The following RPRD1A variants were observed in gnomAD, a reference collection of about 807,000 sequenced individuals.
The protein encoded by RPRD1A is regulation of nuclear pre-mRNA domain-containing protein 1A.
RPRD1A carries 9 observed loss-of-function variants against 37.8 expected under a neutral mutation model. The ratio of observed to expected loss-of-function variants is 0.24; its 90% CI spans 0.14 to 0.42. The LOEUF (loss-of-function observed/expected upper bound fraction) is 0.42. RPRD1A is among the 10% of genes least tolerant of loss of function. The probability of loss-of-function intolerance (pLI) is 1.00; values close to 1 mark genes in which losing one functional copy is unlikely to be tolerated. For synonymous variants in RPRD1A, 138 were observed against 139.7 expected, an observed-to-expected ratio of 0.99 and a Z score of 0.08; for missense variants, 255 against 371.0, an observed-to-expected ratio of 0.69 and a Z score of 2.57.
chr18:36,042,350 A>G (rs1309840584), intron 1 of RPRD1A, among the ~76,000 whole-genome samples: 1 of 152,192 alleles, frequency 6.6e-6, no homozygotes, highest in African/African-American at 2.4e-5. Context: ...ATGACTGTCA[A>G]ATCTACCAGA....
At chr18:36,041,995 G>A (rs1350785407) in intron 1 of RPRD1A, among the ~76,000 whole-genome samples, 2 of 152,172 alleles carry the variant, frequency 1.3e-5, no homozygotes, top group African/African-American at 4.8e-5. Flanking sequence ...CAGTAGGGAT[G>A]GATCCTGTCA....
chr18:35,994,743 A>T (rs1908921472), intron 6 of RPRD1A, among the ~76,000 whole-genome samples: 1 of 152,190 alleles, frequency 6.6e-6, no homozygotes, highest in Non-Finnish European at 1.5e-5. Flanking sequence ...AAACCAAGAG[A>T]AGAGTATGAG....
intron 2 of RPRD1A, among the ~76,000 whole-genome samples, chr18:36,032,065 G>A (rs868746603): frequency 6.6e-6 from 1 of 152,228 alleles, no homozygotes; most frequent in African/African-American, 2.4e-5. Context: ...CCTTCCTTTA[G>A]TCTTTGTTCA....
chr18:36,024,161 G>C (rs115928728), intron 6 of RPRD1A, among the ~76,000 whole-genome samples: 2 of 151,712 alleles, frequency 1.3e-5, no homozygotes, highest in Admixed American at 6.6e-5. Flanking sequence ...GCACGCGCAC[G>C]CGCGTGATGG....
intron 6 of RPRD1A, among the ~76,000 whole-genome samples, chr18:35,998,644 A>G (rs183623812): frequency 6.6e-6 from 1 of 152,144 alleles, no homozygotes; most frequent in Non-Finnish European, 1.5e-5. Flanking sequence ...CCAAGGCTCA[A>G]TTCCACTGAT....
In RPRD1A at chr18:36,002,108, G is replaced by A. The variant is rs1909458131; in HGVS notation, c.790-8808C>T. On this transcript the variant is annotated intron_variant, in intron 6 of 6. Transcript: ENST00000399022. ...GAGATTGTAGGCATTTTGGTATCCT[G>A]CTTGGTGTTCTCTTGAGTTTCCTGG... Among the ~76,000 whole-genome samples the A allele has an allele frequency of 2.0e-5, 3 of 151,984 alleles. 1 individual carries two copies. Among genetic ancestry groups the A allele is most frequent in the South Asian group, 4.1e-4 (2 of 4,826 alleles).
intron 6 of RPRD1A, among the ~76,000 whole-genome samples, chr18:36,010,062 CTATAT>C (rs1043509348): frequency 5.3e-5 from 8 of 151,946 alleles, no homozygotes; most frequent in African/African-American, 7.3e-5. Flanking sequence ...ATTTTGTATA[CTATAT>C]AATATGGTAT....
At chr18:36,056,674 AACG>A (rs1913793994) in intron 1 of RPRD1A, among the ~76,000 whole-genome samples, 1 of 152,130 alleles carries the variant, frequency 6.6e-6, no homozygotes, top group Non-Finnish European at 1.5e-5. Flanking sequence ...CCAAGCATTC[AACG>A]TAAGTATGGT....
At chr18:36,036,911 A>G (rs551424476) in intron 1 of RPRD1A, among the ~76,000 whole-genome samples, 1 of 152,302 alleles carries the variant, frequency 6.6e-6, no homozygotes, top group Admixed American at 6.5e-5. Context: ...GTTAATTCCT[A>G]TGTTTCTGTT....
At chr18:36,039,856 ACACGCATG>A (rs933264749) in intron 1 of RPRD1A, among the ~76,000 whole-genome samples, 1 of 139,380 alleles carries the variant, frequency 7.2e-6, no homozygotes, top group African/African-American at 2.7e-5. Flanking sequence ...AAACACACAC[ACACGCATG>A]CACACATGCA....
At chr18:36,003,492 T>A (rs1419352874) in intron 6 of RPRD1A, among the ~76,000 whole-genome samples, 1 of 152,242 alleles carries the variant, frequency 6.6e-6, no homozygotes, top group African/African-American at 2.4e-5. Context: ...TTCACAGTGA[T>A]CTCCATTCAA....
chr18:36,052,357 A>C (rs980573588), intron 1 of RPRD1A, among the ~76,000 whole-genome samples: 2 of 151,954 alleles, frequency 1.3e-5, no homozygotes. Context: ...AGAAGCCATA[A>C]GAAATAACGA....
chr18:36,063,615 C>T (rs551611595), intron 1 of RPRD1A, among the ~76,000 whole-genome samples: 2 of 152,280 alleles, frequency 1.3e-5, no homozygotes, highest in South Asian at 2.1e-4. Flanking sequence ...TTGATCGATT[C>T]CTTTCATAAT....
At chr18:36,049,222 A>C (rs1470540130) in intron 1 of RPRD1A, among the ~76,000 whole-genome samples, 1 of 152,204 alleles carries the variant, frequency 6.6e-6, no homozygotes, top group Non-Finnish European at 1.5e-5. Context: ...TATTTTTACA[A>C]GGAAAAAATG....
intron 6 of RPRD1A, among the ~76,000 whole-genome samples, chr18:36,012,412 C>T (rs1910234886): frequency 6.6e-6 from 1 of 152,090 alleles, no homozygotes; most frequent in African/African-American, 2.4e-5. Flanking sequence ...TGTAAAATGG[C>T]CTCAGGGCCT....
At chr18:36,042,243 T>G (rs755572807) in intron 1 of RPRD1A, among the ~76,000 whole-genome samples, 3 of 152,328 alleles carry the variant, frequency 2.0e-5, no homozygotes, top group Middle Eastern at 3.4e-3. Flanking sequence ...GATGCTTTCA[T>G]AGCACTCCAT....
intron 1 of RPRD1A, among the ~76,000 whole-genome samples, chr18:36,043,136 TACAC>T (rs200731062): frequency 3.4e-5 from 4 of 118,024 alleles, no homozygotes; most frequent in Non-Finnish European, 4.8e-5. Context: ...AGTATTAAGT[TACAC>T]ACACACACAA....
At chr18:36,038,197 C>T (rs1912332871) in intron 1 of RPRD1A, among the ~76,000 whole-genome samples, 1 of 152,188 alleles carries the variant, frequency 6.6e-6, no homozygotes, top group African/African-American at 2.4e-5. Context: ...TGTCAGAGAC[C>T]TTCATGGCAG....
At chr18:36,011,660 AAGAG>A (rs1348567124) in intron 6 of RPRD1A, among the ~76,000 whole-genome samples, 1 of 152,226 alleles carries the variant, frequency 6.6e-6, no homozygotes, top group Non-Finnish European at 1.5e-5. Flanking sequence ...GATGTTAAAA[AAGAG>A]AGGTTTGAGA....
Sources: allele counts gnomAD v4.1 joint callset (sites outside exome capture counted in the v4.1 genomes callset), GRCh38; gene constraint gnomAD v4.1.1; transcripts MANE v1.5; gene names NCBI Gene and HGNC (gene_info 2026-07-23, HGNC 2026-07-21).